PCDH15: variants seen among roughly 807,000 people sequenced by gnomAD.
PCDH15 encodes protocadherin related 15, also known as protocadherin-15.
PCDH15 carries 129 observed loss-of-function variants against 178.5 expected under a neutral mutation model. The observed-to-expected ratio is 0.72, with a 90% CI of 0.63 to 0.84. The LOEUF (loss-of-function observed/expected upper bound fraction) is 0.84, where lower values mean the gene tolerates loss of function less well. PCDH15 is among the 40% of genes least tolerant of loss of function. The pLI, the probability that PCDH15 is intolerant of heterozygous loss-of-function variation, is 0.00. For missense variants in PCDH15, 2,230 were observed against 2,099.9 expected, an observed-to-expected ratio of 1.06 and a Z score of -1.21; for synonymous variants, 800 against 732.0, an observed-to-expected ratio of 1.09 and a Z score of -1.50.
At chr10:55,526,723 A>AAAACT (rs1255040097) in intron 2 of PCDH15, among the ~76,000 whole-genome samples, 2 of 152,104 alleles carry the variant, frequency 1.3e-5, no homozygotes, top group Admixed American at 6.6e-5. Context: ...CTGTGTCATT[A>AAAACT]AAACTTGTCA....
At chr10:55,076,531 G>A (rs777021576) in intron 2 of PCDH15, among the ~76,000 whole-genome samples, 4 of 150,968 alleles carry the variant, frequency 2.6e-5, no homozygotes, top group Non-Finnish European at 5.9e-5. Context: ...AGTTCACTGC[G>A]ACCTCTGCCT....
intron 8 of PCDH15, among the ~76,000 whole-genome samples, chr10:54,263,081 T>C (rs1477463784): frequency 6.6e-6 from 1 of 152,218 alleles, no homozygotes; most frequent in Non-Finnish European, 1.5e-5. Flanking sequence ...TGAAATACTG[T>C]ATTTTCTTTG....
At chr10:54,297,011 G>C (rs535502336) in intron 8 of PCDH15, among the ~76,000 whole-genome samples, 1 of 152,226 alleles carries the variant, frequency 6.6e-6, no homozygotes, top group South Asian at 2.1e-4. Context: ...AGGAAAACTA[G>C]TGTTTCTGCT....
intron 2 of PCDH15, among the ~76,000 whole-genome samples, chr10:55,622,050 A>T (rs916322739): frequency 1.4e-5 from 2 of 139,422 alleles, no homozygotes; most frequent in Non-Finnish European, 3.0e-5. Context: ...TATATATATA[A>T]ATTGTATATA....
intron 8 of PCDH15, among the ~76,000 whole-genome samples, chr10:54,277,818 G>T (rs1162816092): frequency 6.6e-6 from 1 of 151,534 alleles, no homozygotes; most frequent in Admixed American, 6.6e-5. Flanking sequence ...GAGGTGACCA[G>T]ATTTCACAGA....
chr10:54,136,169 A>G (rs2042883363), intron 14 of PCDH15, among the ~76,000 whole-genome samples: 1 of 152,172 alleles, frequency 6.6e-6, no homozygotes, highest in African/African-American at 2.4e-5. Flanking sequence ...GAATTTGAGC[A>G]TGTTGTATCA....
intron 3 of PCDH15, among the ~76,000 whole-genome samples, chr10:54,879,222 G>A (rs186662756): frequency 0.15 from 22,566 of 151,720 alleles, 2,126 homozygotes; most frequent in Non-Finnish European, 0.21. Context: ...GTGTGTGTGT[G>A]CTTGTATGTG....
At chr10:54,064,385 G>A (rs920397260) in intron 18 of PCDH15, among the ~76,000 whole-genome samples, 2 of 152,268 alleles carry the variant, frequency 1.3e-5, no homozygotes, top group East Asian at 1.9e-4. Context: ...TAAAAGCACC[G>A]TAAGTTTTCA....
At chr10:53,836,273 G>GA (rs1025078213) in intron 29 of PCDH15, among the ~76,000 whole-genome samples, 1 of 152,058 alleles carries the variant, frequency 6.6e-6, no homozygotes, top group Non-Finnish European at 1.5e-5. Flanking sequence ...GAAAGAGGGG[G>GA]AAAAAATCTT....
chr10:55,508,744 T>G (rs1015265671), intron 2 of PCDH15, among the ~76,000 whole-genome samples: 2 of 151,668 alleles, frequency 1.3e-5, no homozygotes, highest in Non-Finnish European at 2.9e-5. Flanking sequence ...CAAAAGAATA[T>G]TAGGTACTGC....
At chr10:55,267,248 GT>G (rs1842323375) in intron 1 of PCDH15, among the ~76,000 whole-genome samples, 1 of 152,062 alleles carries the variant, frequency 6.6e-6, no homozygotes, top group South Asian at 2.1e-4. Flanking sequence ...ACTTTTCTCT[GT>G]TTATCTAACT....
intron 1 of PCDH15, among the ~76,000 whole-genome samples, chr10:54,682,162 T>C (rs1440013023): frequency 6.9e-6 from 1 of 145,546 alleles, no homozygotes; most frequent in African/African-American, 2.6e-5. Flanking sequence ...GCATGTAGGA[T>C]TAGAGTAGAC....
intron 2 of PCDH15, among the ~76,000 whole-genome samples, chr10:54,560,328 G>A (rs542803477): frequency 6.6e-6 from 1 of 152,210 alleles, no homozygotes; most frequent in African/African-American, 2.4e-5. Context: ...ATTTCTAAAA[G>A]TGAGTGTTCC....
chr10:55,128,648 C>A (rs1376198921), intron 2 of PCDH15, among the ~76,000 whole-genome samples: 1 of 152,014 alleles, frequency 6.6e-6, no homozygotes, highest in Non-Finnish European at 1.5e-5. Flanking sequence ...TACACTTATT[C>A]AGAAATTTTC....
At chr10:53,893,080 A>G (rs926488222) in intron 26 of PCDH15, among the ~76,000 whole-genome samples, 1 of 152,212 alleles carries the variant, frequency 6.6e-6, no homozygotes, top group African/African-American at 2.4e-5. Flanking sequence ...CCAAAGATGG[A>G]TCAAATATTT....
At chr10:53,932,319 T>A (rs909019280) in intron 25 of PCDH15, among the ~76,000 whole-genome samples, 3 of 152,216 alleles carry the variant, frequency 2.0e-5, no homozygotes, top group African/African-American at 7.2e-5. Context: ...GGTTTGGGTA[T>A]AATTATGCAG....
chr10:54,413,716 T>A (rs1040264947), intron 3 of PCDH15, among the ~76,000 whole-genome samples: 9 of 152,290 alleles, frequency 5.9e-5, no homozygotes, highest in African/African-American at 1.9e-4. Flanking sequence ...TTTAAAAAAA[T>A]GAGAAATTAT....
At chr10:55,084,939 G>C (rs1238572941) in intron 2 of PCDH15, among the ~76,000 whole-genome samples, 1 of 151,866 alleles carries the variant, frequency 6.6e-6, no homozygotes, top group African/African-American at 2.4e-5. Flanking sequence ...ATGCAGATGA[G>C]GATGTGAAGG....
chr10:54,679,915 T>G (rs1358886103), intron 1 of PCDH15, among the ~76,000 whole-genome samples: 1 of 152,190 alleles, frequency 6.6e-6, no homozygotes, highest in Non-Finnish European at 1.5e-5. Flanking sequence ...TTCTTGAGAG[T>G]GTCACATATT....
Sources: gnomAD v4.1 joint callset for allele counts (sites outside exome capture counted in the v4.1 genomes callset) on GRCh38, gnomAD v4.1.1 for gene constraint, MANE v1.5 for transcripts, NCBI Gene and HGNC (gene_info 2026-07-23, HGNC 2026-07-21) for gene names.